MCC: variants seen among roughly 807,000 people sequenced by gnomAD.
The protein encoded by MCC is MCC regulator of Wnt signaling pathway.
Under a neutral mutation model 116.2 loss-of-function variants are expected in MCC, and 90 were observed. The ratio of observed to expected loss-of-function variants is 0.77; its 90% confidence interval spans 0.65 to 0.92. MCC has a LOEUF of 0.92. MCC is among the 40% of genes least tolerant of loss of function. The pLI, the probability that MCC is intolerant of heterozygous loss-of-function variation, is 0.00. For missense variants in MCC, 1,516 were observed against 1,312.2 expected (o/e 1.16, Z -2.40); for synonymous variants, 578 against 510.5 (o/e 1.13, Z -1.78).
chr5:113,044,063 G>A (rs1057111343), intron 16 of MCC, among the ~76,000 whole-genome samples: 1 of 152,224 alleles, frequency 6.6e-6, no homozygotes, highest in East Asian at 1.9e-4. Context: ...AACCCAAGCT[G>A]TGTGGCCACA....
chr5:113,422,025 G>C (rs1770350586), intron 1 of MCC, among the ~76,000 whole-genome samples: 1 of 152,200 alleles, frequency 6.6e-6, no homozygotes, highest in Admixed American at 6.5e-5. Flanking sequence ...GGCCAGAGAA[G>C]ACAGAATATA....
chr5:113,340,547 C>A lies in MCC; in HGVS notation c.599G>T (p.Gly200Val). ...GTTGGCCAGCTCTAGATAGCTTCCT[C>A]CTACAGAGTTGCCAATGTGCGGGGA... ...TQSPHIGNSV[G>V]GSYLELANTL... Residue 200 changes from glycine to valine, a missense_variant, in exon 3 of 19, where the codon GGA (glycine) becomes GTA (valine). Physicochemically the swap from Gly to Val is moderately radical, Grantham distance 109 (BLOSUM62 -3). Coordinates refer to ENST00000408903, the MANE Select transcript of MCC (RefSeq NM_001085377.2). 6.2e-7 allele frequency: 1 copy of A among 1,614,160 alleles called. No individual in the cohort carries two copies.
intron 2 of MCC, among the ~76,000 whole-genome samples, chr5:113,360,293 G>A (rs1398649995): frequency 1.3e-5 from 2 of 152,128 alleles, no homozygotes; most frequent in African/African-American, 2.4e-5. Context: ...TTTTCTTAAT[G>A]TGGTGGATTA....
At chr5:113,170,193 TTC>T (rs1168598591) in intron 3 of MCC, among the ~76,000 whole-genome samples, 1 of 152,188 alleles carries the variant, frequency 6.6e-6, no homozygotes, top group Admixed American at 6.5e-5. Context: ...TAATCTAAAT[TTC>T]TTTTTTCTTC....
intron 11 of MCC, among the ~76,000 whole-genome samples, chr5:113,072,742 G>T (rs190059778): frequency 3.1e-3 from 477 of 152,276 alleles, no homozygotes; most frequent in Middle Eastern, 0.017. Context: ...CACCCTAGGG[G>T]TGATTTCTAT....
chr5:113,079,637 C>A (rs1183878391), intron 11 of MCC, among the ~76,000 whole-genome samples: 2 of 152,200 alleles, frequency 1.3e-5, no homozygotes, highest in African/African-American at 4.8e-5. Context: ...CCCTTCCTTA[C>A]ACCTTAAACA....
At chr5:113,084,267 G>T in intron 9 of MCC, 77 bp from the exon 10 acceptor site, 1 of 1,132,402 alleles carries the variant, frequency 8.8e-7, no homozygotes, top group Non-Finnish European at 1.3e-6. Flanking sequence ...CGCTTATACA[G>T]GGCTACTTTT....
chr5:113,466,967 C>A (rs1349986445), intron 1 of MCC, among the ~76,000 whole-genome samples: 5 of 152,194 alleles, frequency 3.3e-5, no homozygotes, highest in Non-Finnish European at 7.3e-5. Flanking sequence ...TGTTTTTTGG[C>A]TGCATAAATG....
rs140419312 is a variant in MCC, at chr5:113,308,691, G to T, written c.627+31828C>A. ...ATCTAACAAAAATTATCCAGGCCTG[G>T]TCCCAGCTACTCAGGACGCTGAAGT... is the stretch of plus-strand genomic sequence containing the variant. On this transcript the variant is annotated intron_variant, in intron 3 of 18. Transcript: ENST00000408903. 3.3e-3 allele frequency among the ~76,000 whole-genome samples: 509 copies of T among 152,036 alleles called. 9 individuals carry two copies. Among genetic ancestry groups the T allele is most frequent in the African/African-American group, 0.012 (485 of 41,454 alleles).
At chr5:113,280,448 C>G (rs1251761642) in intron 3 of MCC, among the ~76,000 whole-genome samples, 3 of 152,188 alleles carry the variant, frequency 2.0e-5, no homozygotes, top group Non-Finnish European at 4.4e-5. Flanking sequence ...CTCCAGCCAC[C>G]AGCCACTCTC....
At chr5:113,436,344 C>A (rs12519818) in intron 1 of MCC, 28,079 of 152,220 alleles carry the variant, frequency 0.18, 3,074 homozygotes, top group Admixed American at 0.31. Context: ...ATCTCCCCAG[C>A]CATCTGAATG....
At chr5:113,485,972 C>T (rs1772513574) in intron 1 of MCC, among the ~76,000 whole-genome samples, 1 of 152,164 alleles carries the variant, frequency 6.6e-6, no homozygotes, top group African/African-American at 2.4e-5. Flanking sequence ...GTGGTAAGTA[C>T]AGGTCATTAA....
intron 3 of MCC, among the ~76,000 whole-genome samples, chr5:113,295,760 CA>C (rs959797672): frequency 1.3e-5 from 2 of 152,192 alleles, no homozygotes; most frequent in Non-Finnish European, 2.9e-5. Flanking sequence ...TTTCTCTCCA[CA>C]AACTTAAAGT....
intron 13 of MCC, among the ~76,000 whole-genome samples, chr5:113,066,010 A>C (rs55770059): frequency 0.029 from 4,413 of 152,314 alleles, 183 homozygotes; most frequent in African/African-American, 0.097. Context: ...TCCACAAATA[A>C]GACATTTTAC....
At chr5:113,192,566 G>C (rs1341630227) in intron 3 of MCC, among the ~76,000 whole-genome samples, 1 of 152,238 alleles carries the variant, frequency 6.6e-6, no homozygotes, top group African/African-American at 2.4e-5. Context: ...GGGTGTGCCA[G>C]AAAGAATCCT....
intron 3 of MCC, among the ~76,000 whole-genome samples, chr5:113,196,676 C>CT (rs1762425686): frequency 6.6e-6 from 1 of 152,166 alleles, no homozygotes; most frequent in East Asian, 1.9e-4. Flanking sequence ...GGTGAAACCC[C>CT]ATCTCTATTA....
At chr5:113,214,694 A>G (rs510922) in intron 3 of MCC, among the ~76,000 whole-genome samples, 144,615 of 152,202 alleles carry the variant, frequency 0.95, 69,184 homozygotes, top group East Asian at 1. Context: ...GATCACTTGG[A>G]TCTGCTAATT....
At chr5:113,410,659 G>A (rs1025156864) in intron 1 of MCC, among the ~76,000 whole-genome samples, 8 of 152,114 alleles carry the variant, frequency 5.3e-5, no homozygotes, top group African/African-American at 1.9e-4. Context: ...TGTGCACAAC[G>A]TGCAGGTTAC....
intron 14 of MCC, among the ~76,000 whole-genome samples, chr5:113,057,186 G>C (rs763212498): frequency 2.6e-5 from 4 of 152,202 alleles, no homozygotes; most frequent in Non-Finnish European, 5.9e-5. Context: ...GAGTGCGTGG[G>C]AGGGGCTGGG....
Sources: allele counts gnomAD v4.1 joint callset (sites outside exome capture counted in the v4.1 genomes callset), GRCh38; gene constraint gnomAD v4.1.1; transcripts MANE v1.5; gene names NCBI Gene and HGNC (gene_info 2026-07-23, HGNC 2026-07-21).